Variants in CDC14B observed in about 807,000 individuals in gnomAD.
The protein encoded by CDC14B is cell division cycle 14B.
A neutral mutation model predicts 64.2 loss-of-function variants in CDC14B; 22 were observed. The observed-to-expected ratio is 0.34, with a 90% CI of 0.24 to 0.49. The LOEUF is 0.49. CDC14B is among the 20% of genes least tolerant of loss of function. CDC14B has a pLI of 0.99. For synonymous variants in CDC14B, 191 were observed against 215.8 expected, an observed-to-expected ratio of 0.89 and a Z score of 1.01; for missense variants, 498 against 629.9, an observed-to-expected ratio of 0.79 and a Z score of 2.24.
chr9:96,596,310 C>T (rs1162029991), intron 1 of CDC14B, among the ~76,000 whole-genome samples: 3 of 145,366 alleles, frequency 2.1e-5, no homozygotes, highest in Admixed American at 7.1e-5. Flanking sequence ...CATAGTGAGC[C>T]GAGATTGTGC....
At chr9:96,579,803 C>T (rs1488903621) in intron 1 of CDC14B, among the ~76,000 whole-genome samples, 7 of 152,088 alleles carry the variant, frequency 4.6e-5, no homozygotes, top group Admixed American at 2.0e-4. Flanking sequence ...CTATGCATAG[C>T]GTATTCTGTC....
intron 1 of CDC14B, chr9:96,566,923 CCG>C (rs1844082076): frequency 7.9e-6 from 12 of 1,525,280 alleles, no homozygotes; most frequent in Non-Finnish European, 9.7e-6. Context: ...GTTTAAAGGG[CCG>C]CGCGGGGCAG....
chr9:96,612,088 G>A (rs7041753), intron 1 of CDC14B, among the ~76,000 whole-genome samples: 4 of 152,108 alleles, frequency 2.6e-5, no homozygotes, highest in African/African-American at 9.7e-5. Context: ...CTTTTACAGG[G>A]AATCTTTCTA....
chr9:96,563,472 G>T (rs1201017624), intron 3 of CDC14B, among the ~76,000 whole-genome samples: 3 of 152,052 alleles, frequency 2.0e-5, no homozygotes, highest in African/African-American at 7.2e-5. Context: ...CCAACATGGA[G>T]AAACTCCGTC....
At chr9:96,578,605 C>T (rs551348150) in intron 1 of CDC14B, among the ~76,000 whole-genome samples, 18 of 152,258 alleles carry the variant, frequency 1.2e-4, no homozygotes, top group African/African-American at 4.3e-4. Context: ...ATTTGAGGCA[C>T]ATTCTACAAA....
intron 1 of CDC14B, among the ~76,000 whole-genome samples, chr9:96,616,666 G>C (rs1283582121): frequency 6.6e-6 from 1 of 151,846 alleles, no homozygotes; most frequent in Non-Finnish European, 1.5e-5. Flanking sequence ...AGAGGTTGCA[G>C]TGAGCCGAGA....
chr9:96,537,111 G>A (rs902850052), intron 7 of CDC14B, among the ~76,000 whole-genome samples: 6 of 151,778 alleles, frequency 4.0e-5, no homozygotes, highest in African/African-American at 9.7e-5. Context: ...GAAACATGGC[G>A]AAATCCCATC....
intron 7 of CDC14B, among the ~76,000 whole-genome samples, chr9:96,537,732 C>CT (rs948678724): frequency 1.1e-4 from 16 of 151,782 alleles, no homozygotes; most frequent in South Asian, 2.1e-4. Flanking sequence ...AAATTTTTCC[C>CT]TTTTTTTTGA....
In CDC14B at chr9:96,617,604, G is replaced by A. The variant is rs137878200; in HGVS notation, c.160+1615C>T. On this transcript the variant is annotated intron_variant, in intron 1 of 13. Coordinates refer to ENST00000375241, the MANE Select transcript of CDC14B (RefSeq NM_033331.4). ...CGGAAAAATGTGCAAAACAACATGT[G>A]TGCTACTCGCACGTGTATGGTAGAG... 1.6e-3 allele frequency among the ~76,000 whole-genome samples: 238 copies of A among 152,210 alleles called. 1 individual carries two copies. Among genetic ancestry groups the A allele is most frequent in the African/African-American group, 5.2e-3 (214 of 41,522 alleles).
intron 1 of CDC14B, among the ~76,000 whole-genome samples, chr9:96,591,794 G>A (rs1371184929): frequency 6.6e-6 from 1 of 151,490 alleles, no homozygotes; most frequent in East Asian, 1.9e-4. Context: ...GGCCCAGGCT[G>A]GAGTGCAGTG....
At chr9:96,584,484 G>A (rs1209171617) in intron 1 of CDC14B, among the ~76,000 whole-genome samples, 1 of 151,614 alleles carries the variant, frequency 6.6e-6, no homozygotes, top group African/African-American at 2.4e-5. Context: ...AGGCACAGAG[G>A]AAGAAAGCAT....
intron 1 of CDC14B, among the ~76,000 whole-genome samples, chr9:96,574,690 G>A (rs1316519443): frequency 9.1e-6 from 1 of 109,862 alleles, no homozygotes; most frequent in Admixed American, 8.1e-5. Context: ...AGCGAAACTC[G>A]GTCTCACAAA....
At chr9:96,535,362 C>T (rs1450171132) in intron 7 of CDC14B, among the ~76,000 whole-genome samples, 1 of 151,950 alleles carries the variant, frequency 6.6e-6, no homozygotes, top group Non-Finnish European at 1.5e-5. Context: ...GACCAGGAAA[C>T]TAAAAAATTA....
chr9:96,572,642 C>T (rs1451132580), intron 1 of CDC14B, among the ~76,000 whole-genome samples: 1 of 151,768 alleles, frequency 6.6e-6, no homozygotes, highest in East Asian at 1.9e-4. Context: ...TAATCTTATT[C>T]AACATAAAAA....
chr9:96,607,868 A>G (rs966312751), intron 1 of CDC14B, among the ~76,000 whole-genome samples: 3 of 152,158 alleles, frequency 2.0e-5, no homozygotes. Context: ...CTGCCACCAC[A>G]GGGGCAACGG....
chr9:96,579,282 T>C (rs2118273799), intron 1 of CDC14B, among the ~76,000 whole-genome samples: 1 of 152,190 alleles, frequency 6.6e-6, no homozygotes, highest in East Asian at 1.9e-4. Context: ...GTGGGACTGA[T>C]ATCCTTATAA....
At position 96,527,602 on chromosome 9, in the gene CDC14B, A is replaced by AT. The variant is rs1341100953; in HGVS notation, c.947-3878dup. On this transcript the variant is annotated intron_variant, in intron 9 of 13. Transcript: ENST00000375241. ...AAACGGAAACTCTGGACCCATTTTT[A>AT]TTTTTTATTATTTTTATTTATTTAT... 1.4e-4 allele frequency among the ~76,000 whole-genome samples: 21 copies of AT among 151,510 alleles called. No individual in the cohort carries two copies. The East Asian group carries it at 3.1e-3, about 23-fold the overall frequency.
At chr9:96,549,227 G>A (rs866842236) in intron 5 of CDC14B, among the ~76,000 whole-genome samples, 1 of 151,782 alleles carries the variant, frequency 6.6e-6, no homozygotes, top group Admixed American at 6.6e-5. Flanking sequence ...AAAAATGAAA[G>A]GGGAAAAAAA....
intron 13 of CDC14B, among the ~76,000 whole-genome samples, chr9:96,505,127 G>A (rs1483197170): frequency 2.6e-5 from 4 of 151,512 alleles, no homozygotes; most frequent in Non-Finnish European, 5.9e-5. Context: ...GTTGTAGTGA[G>A]CCAAGATCGC....
Sources: gnomAD v4.1 joint callset for allele counts (sites outside exome capture counted in the v4.1 genomes callset) on GRCh38, gnomAD v4.1.1 for gene constraint, MANE v1.5 for transcripts, NCBI Gene and HGNC (gene_info 2026-07-23, HGNC 2026-07-21) for gene names.